The following S100Z variants were observed in gnomAD, a reference collection of about 807,000 sequenced individuals.
S100Z encodes the protein S100 calcium binding protein Z.
A neutral mutation model predicts 8.5 loss-of-function variants in S100Z; 11 were observed. The observed-to-expected ratio is 1.30, with a 90% confidence interval of 0.82 to 2.15. The LOEUF (loss-of-function observed/expected upper bound fraction) is 2.15, where lower values mean the gene tolerates loss of function less well. Ranked by LOEUF, S100Z falls within the 30% of genes most tolerant of loss-of-function variation. The pLI is 0.00. For synonymous variants in S100Z, 34 were observed against 43.8 expected, an observed-to-expected ratio of 0.78 and a Z score of 0.89; for missense variants, 126 against 117.9, an observed-to-expected ratio of 1.07 and a Z score of -0.32.
At position 76,875,240 on chromosome 5, in the gene S100Z, G is replaced by A; in HGVS notation, c.-56-64G>A. The A allele has an allele frequency of 3.3e-6, 3 of 904,144 alleles. No homozygotes were observed. In the South Asian group the frequency reaches 5.8e-5, roughly 18 times the overall value. 56.0% of individuals were successfully genotyped at this position (904,144 alleles called of 1,614,324 possible). Reference sequence around the variant, plus strand: ...TCACTTGTGTGGCGAGCTGACTCGGGGGATTGTAATATTCTGTTTTAATGA... The same window carrying A: ...TCACTTGTGTGGCGAGCTGACTCGGAGGATTGTAATATTCTGTTTTAATGA... On this transcript the variant is annotated intron_variant, in intron 2 of 4. Coordinates refer to ENST00000317593, the MANE Select transcript of S100Z (RefSeq NM_130772.4).
chr5:76,906,695 C>T (rs557546280), intron 4 of S100Z, among the ~76,000 whole-genome samples: 6 of 150,838 alleles, frequency 4.0e-5, no homozygotes, highest in African/African-American at 7.3e-5. Flanking sequence ...TGCAGTAGTG[C>T]GATCTCAGCT....
intron 1 of S100Z, among the ~76,000 whole-genome samples, chr5:76,861,347 T>C (rs1002947444): frequency 1.3e-5 from 2 of 151,714 alleles, no homozygotes; most frequent in East Asian, 3.9e-4. Flanking sequence ...GCCAGGATTT[T>C]TTTTTTTTTT....
At chr5:76,905,647 C>T (rs1330693774) in intron 4 of S100Z, among the ~76,000 whole-genome samples, 2 of 152,182 alleles carry the variant, frequency 1.3e-5, no homozygotes, top group East Asian at 1.9e-4. Context: ...CTCCTGACCT[C>T]GTGATCTGCC....
intron 1 of S100Z, among the ~76,000 whole-genome samples, chr5:76,859,880 T>G (rs1751005858): frequency 1.3e-5 from 2 of 151,988 alleles, no homozygotes; most frequent in Non-Finnish European, 2.9e-5. Context: ...AATTAGCCTC[T>G]GCAACTCTGG....
rs141908063 is a variant in S100Z, at chr5:76,857,641, G to A, written c.-176+7486G>A. Among the ~76,000 whole-genome samples the A allele has an allele frequency of 2.5e-3, 373 of 151,988 alleles. 2 individuals carry two copies. The highest frequency in any genetic ancestry group is 8.7e-3 in the African/African-American group (361 of 41,446). On this transcript the variant is annotated intron_variant, in intron 1 of 4. Transcript: ENST00000317593. ...AGCCACCTGAGTAGTTGGAACTACCGGCATGTGCCACTATCCCCAGCTAAT... is the reference window on the plus strand; with the variant it reads ...AGCCACCTGAGTAGTTGGAACTACCAGCATGTGCCACTATCCCCAGCTAAT...
At chr5:76,889,445 C>T (rs1346164548) in intron 4 of S100Z, among the ~76,000 whole-genome samples, 1 of 152,204 alleles carries the variant, frequency 6.6e-6, no homozygotes. Context: ...AAGATCTCGA[C>T]ATTTCGCAGG....
chr5:76,886,759 T>G lies in S100Z; in HGVS notation c.*2+8925T>G, dbSNP rs147987841. ...GATAGGCGGTGGAGTTAGGAGCAAT[T>G]TTTTGCAGGCAGGGGGTGGATCTCA... On this transcript the variant is annotated intron_variant, in intron 4 of 4. Transcript: ENST00000317593. Among the ~76,000 whole-genome samples, 922 of 152,190 alleles carry G rather than the reference T, an allele frequency of 6.1e-3. 7 individuals carry two copies. The highest frequency in any genetic ancestry group is 0.021 in the African/African-American group (866 of 41,500).
At position 76,894,076 on chromosome 5, in the gene S100Z, T is replaced by C. The variant is rs79063820; in HGVS notation, c.*2+16242T>C. On this transcript the variant is annotated intron_variant, in intron 4 of 4. Transcript: ENST00000317593. ...GTGCCTCATTGTACCTCTTTGGCAT[T>C]AATATCAACACAGACTTTAAGACTG... is the stretch of plus-strand genomic sequence containing the variant. Among the ~76,000 whole-genome samples the C allele has an allele frequency of 4.5e-3, 686 of 152,306 alleles. 6 individuals are homozygous for C. Among genetic ancestry groups the C allele is most frequent in the African/African-American group, 0.015 (637 of 41,562 alleles).
intron 2 of S100Z, among the ~76,000 whole-genome samples, chr5:76,873,917 T>C (rs1743093558): frequency 6.6e-6 from 1 of 152,196 alleles, no homozygotes; most frequent in Admixed American, 6.5e-5. Flanking sequence ...ACACAGCTGC[T>C]CTGAGGTTTA....
At chr5:76,944,230 C>T in the S100Z span, among the ~76,000 whole-genome samples, 14 of 152,250 alleles carry the variant, frequency 9.2e-5, no homozygotes, top group Admixed American at 7.2e-4. Context: ...GCCACATCTT[C>T]GGATGCTGTC....
chr5:76,929,749 A>G, the S100Z span, among the ~76,000 whole-genome samples: 1 of 152,218 alleles, frequency 6.6e-6, no homozygotes, highest in African/African-American at 2.4e-5. Flanking sequence ...AAACAGGTGC[A>G]ATGTTTGGAT....
chr5:76,898,025 T>C (rs1274244534), intron 4 of S100Z, among the ~76,000 whole-genome samples: 3 of 152,234 alleles, frequency 2.0e-5, no homozygotes, highest in Admixed American at 2.0e-4. Flanking sequence ...CTATGTTGCA[T>C]AACAGTGGTG....
At chr5:76,939,034 G>T in the S100Z span, among the ~76,000 whole-genome samples, 4 of 152,110 alleles carry the variant, frequency 2.6e-5, no homozygotes, top group Non-Finnish European at 5.9e-5. Context: ...CATATTTTCA[G>T]ATTAGAGAAA....
the S100Z span, among the ~76,000 whole-genome samples, chr5:76,936,114 C>G: frequency 6.6e-6 from 1 of 151,790 alleles, no homozygotes; most frequent in Non-Finnish European, 1.5e-5. Flanking sequence ...AGTTTGATTA[C>G]AATAGTAAAT....
chr5:76,859,055 A>G (rs1420489494), intron 1 of S100Z, among the ~76,000 whole-genome samples: 2 of 152,216 alleles, frequency 1.3e-5, no homozygotes, highest in Non-Finnish European at 2.9e-5. Context: ...CGGAGGTTCC[A>G]GTAAGCTGAG....
chr5:76,904,125 A>C (rs1224253688), intron 4 of S100Z, among the ~76,000 whole-genome samples: 2 of 152,118 alleles, frequency 1.3e-5, no homozygotes, highest in Non-Finnish European at 1.5e-5. Flanking sequence ...TTGAGTTTTA[A>C]GAGTTCTTTA....
rs547761725 is a variant in S100Z, at chr5:76,910,603, C to T, written c.*3-10114C>T. ...CTCGTTCATGTCCACTATGCTGAGGCAATCACTGGAAGGTGCACTGCCCCA... is the reference window on the plus strand; with the variant it reads ...CTCGTTCATGTCCACTATGCTGAGGTAATCACTGGAAGGTGCACTGCCCCA... On this transcript the variant is annotated intron_variant, in intron 4 of 4. Coordinates refer to ENST00000317593, the MANE Select transcript of S100Z (RefSeq NM_130772.4). Among the ~76,000 whole-genome samples, 3 of 152,284 alleles carry T rather than the reference C, an allele frequency of 2.0e-5. No individual in the cohort carries two copies. In the South Asian group the frequency reaches 6.2e-4, roughly 32 times the overall value.
At chr5:76,947,278 T>C in the S100Z span, among the ~76,000 whole-genome samples, 1 of 152,116 alleles carries the variant, frequency 6.6e-6, no homozygotes, top group Non-Finnish European at 1.5e-5. Context: ...AAGTTTGTTA[T>C]CAGTCACTTG....
the S100Z span, among the ~76,000 whole-genome samples, chr5:76,932,630 A>C: frequency 6.6e-6 from 1 of 152,234 alleles, no homozygotes; most frequent in Non-Finnish European, 1.5e-5. Flanking sequence ...CTGGGATTAC[A>C]GGTGTGATCC....
Sources: allele counts gnomAD v4.1 joint callset (sites outside exome capture counted in the v4.1 genomes callset), GRCh38; gene constraint gnomAD v4.1.1; transcripts MANE v1.5; gene names NCBI Gene and HGNC (gene_info 2026-07-23, HGNC 2026-07-21).